HDGFL2: variants seen among roughly 807,000 people sequenced by gnomAD.
HDGFL2 encodes the protein hepatoma-derived growth factor-related protein 2.
In HDGFL2, 36 loss-of-function variants were observed where a neutral mutation model predicts 77.1. That is an observed-to-expected ratio of 0.47 (90% confidence interval 0.36 to 0.62). The LOEUF (loss-of-function observed/expected upper bound fraction) is 0.62, where lower values mean the gene tolerates loss of function less well. Among genes scored for constraint, HDGFL2 ranks in the 20% least tolerant of loss-of-function variants. The pLI is 0.00. For missense variants in HDGFL2, 976 were observed against 973.4 expected, an observed-to-expected ratio of 1.00 and a Z score of -0.04; for synonymous variants, 463 against 413.1, an observed-to-expected ratio of 1.12 and a Z score of -1.46.
intron 1 of HDGFL2, among the ~76,000 whole-genome samples, chr19:4,473,711 G>C (rs1975002134): frequency 6.6e-6 from 1 of 151,214 alleles, no homozygotes; most frequent in Admixed American, 6.6e-5. Context: ...AATGGGGCTC[G>C]GGGCTCTGTT....
chr19:4,494,814 G>A (rs886267063), intron 9 of HDGFL2, among the ~76,000 whole-genome samples: 1 of 152,178 alleles, frequency 6.6e-6, no homozygotes, highest in African/African-American at 2.4e-5. Context: ...CGGCTGCTCA[G>A]GAGGCTGAGG....
chr19:4,473,356 G>A (rs1974993471), intron 1 of HDGFL2, among the ~76,000 whole-genome samples: 2 of 151,356 alleles, frequency 1.3e-5, no homozygotes, highest in African/African-American at 2.4e-5. Context: ...CCCAGAGGGA[G>A]CCACGCCTCG....
rs564837186 is a variant in HDGFL2, at chr19:4,473,177, G to A, written c.72+755G>A. On this transcript the variant is annotated intron_variant, in intron 1 of 15. Coordinates refer to ENST00000616600, the MANE Select transcript of HDGFL2 (RefSeq NM_001001520.3). ...AAATTCTCACTCTGGGGGAATGGCG[G>A]TCCTGGACCTGAGGGAGCTGCGCCG... Among the ~76,000 whole-genome samples the A allele has an allele frequency of 4.3e-3, 642 of 148,854 alleles. 1 individual carries two copies. Among genetic ancestry groups the A allele is most frequent in the Middle Eastern group, 6.9e-3 (2 of 288 alleles).
chr19:4,501,309 C>A lies in HDGFL2; in HGVS notation c.1908C>A (p.Asp636Glu). 1.2e-6 allele frequency: 2 copies of A among 1,600,658 alleles called. No homozygotes were observed. The highest frequency in any genetic ancestry group is 2.2e-5 in the South Asian group (2 of 89,322). The stretch of plus-strand genomic sequence containing the variant: ...GGCCAAGGTGTGGCTCCTCTGAAGA[C>A]CTGCACGAGTGAGTGTCCCGGGCCG... ...EEGPRCGSSE[D>E]LHDSVREGPD... is the part of the protein sequence containing the mutation. Residue 636 changes from aspartate to glutamate, a missense_variant, in exon 15 of 16, where the codon GAC (aspartate) becomes GAA (glutamate). Asp to Glu is a conservative substitution (Grantham distance 45, BLOSUM62 2). Transcript: ENST00000616600.
chr19:4,501,108 CT>C, intron 14 of HDGFL2, 82 bp from the exon 15 acceptor site: 1 of 1,573,348 alleles, frequency 6.4e-7, no homozygotes, highest in Non-Finnish European at 8.7e-7. Flanking sequence ...AGCTTGGCCC[CT>C]GGTCCAGTCC....
At chr19:4,487,845 C>A (rs1481356581) in intron 3 of HDGFL2, among the ~76,000 whole-genome samples, 1 of 151,512 alleles carries the variant, frequency 6.6e-6, no homozygotes, top group Admixed American at 6.6e-5. Flanking sequence ...ACTGCCTGAG[C>A]GGGCATTTTG....
At chr19:4,474,991 C>T (rs1050124983) in intron 1 of HDGFL2, 1 of 413,034 alleles carries the variant, frequency 2.4e-6, no homozygotes, top group East Asian at 4.9e-5. Flanking sequence ...TTGGCCCCAC[C>T]CCCTGGTTGC....
intron 1 of HDGFL2, among the ~76,000 whole-genome samples, chr19:4,474,579 C>A (rs978066213): frequency 1.3e-5 from 2 of 152,110 alleles, no homozygotes; most frequent in Non-Finnish European, 2.9e-5. Context: ...CCACTCCAGC[C>A]TGCTGTGCTC....
At chr19:4,499,357 A>AG (rs969040014) in intron 13 of HDGFL2, 134 bp from the exon 14 acceptor site, 4 of 743,934 alleles carry the variant, frequency 5.4e-6, no homozygotes, top group Admixed American at 5.9e-5. Flanking sequence ...AAAAAAAAAA[A>AG]AGAAATGCCT....
intron 3 of HDGFL2, among the ~76,000 whole-genome samples, chr19:4,483,014 T>C (rs926811787): frequency 6.6e-6 from 1 of 152,118 alleles, no homozygotes; most frequent in African/African-American, 2.4e-5. Context: ...CCAGGGATGC[T>C]CCAAAGAGAA....
chr19:4,474,929 C>T (rs1975033372), intron 1 of HDGFL2: 1 of 177,556 alleles, frequency 5.6e-6, no homozygotes, highest in Admixed American at 6.1e-5. Context: ...GTGAGCCCCT[C>T]TTTGCGGGAG....
chr19:4,489,204 C>T (rs1472848631), intron 4 of HDGFL2, among the ~76,000 whole-genome samples: 5 of 151,292 alleles, frequency 3.3e-5, no homozygotes, highest in South Asian at 2.1e-4. Flanking sequence ...CTGCCTGCCT[C>T]GGTCTCTCAA....
chr19:4,498,383 C>G lies in HDGFL2; in HGVS notation c.1473+7C>G, dbSNP rs373253579. 1 of 1,609,968 alleles carries G rather than the reference C, an allele frequency of 6.2e-7. No homozygotes were observed. Among genetic ancestry groups the G allele is most frequent in the African/African-American group, 1.3e-5 (1 of 74,858 alleles). ...CCTAAAGGTCGACAGCCCGGTAAGA[C>G]CCTCAGGGCCTGTGAGCCAAGCAGT... On this transcript the variant is annotated splice_region_variant and intron_variant, in intron 12 of 15. Coordinates refer to ENST00000616600, the MANE Select transcript of HDGFL2 (RefSeq NM_001001520.3).
At chr19:4,473,126 G>A (rs1045684955) in intron 1 of HDGFL2, among the ~76,000 whole-genome samples, 2 of 148,894 alleles carry the variant, frequency 1.3e-5, no homozygotes, top group African/African-American at 2.5e-5. Flanking sequence ...CCGAGGAAGC[G>A]GTGCCCTGGG....
intron 3 of HDGFL2, among the ~76,000 whole-genome samples, chr19:4,483,946 C>A (rs578004416): frequency 6.7e-6 from 1 of 150,200 alleles, no homozygotes; most frequent in Admixed American, 6.6e-5. Context: ...CCTGCCACCA[C>A]GCCCAGCTAA....
chr19:4,487,550 C>T (rs1196800775), intron 3 of HDGFL2, among the ~76,000 whole-genome samples: 1 of 152,190 alleles, frequency 6.6e-6, no homozygotes, highest in Non-Finnish European at 1.5e-5. Context: ...AGCCACCAGC[C>T]CTACTCCCCT....
intron 4 of HDGFL2, among the ~76,000 whole-genome samples, chr19:4,490,228 C>G (rs973352903): frequency 1.3e-5 from 2 of 152,180 alleles, no homozygotes; most frequent in Non-Finnish European, 2.9e-5. Flanking sequence ...ACTGGGATTA[C>G]AGGGGCCCGC....
Position 4,491,798 on chromosome 19 carries a change from C to A in HDGFL2, c.641C>A (p.Ala214Glu). Residue 214 changes from alanine (A) to glutamate (E), a missense_variant, in exon 6 of 16, where the codon GCG becomes GAG. By Grantham distance (107) the Ala-to-Glu change is moderately radical. This residue lies in a region of HDGFL2 where 567 missense variants were observed against 534.7 expected (regional missense o/e 1.06). Transcript: ENST00000616600. ...CCTGAGAAGAAAGCAGCGGTCCGGG[C>A]GCCACGGAGGGGCCCTCTGGGGGGA... Reference protein sequence around the residue: ...FTPEKKAAVRAPRRGPLGGRK... With the variant: ...FTPEKKAAVREPRRGPLGGRK... 6.2e-7 allele frequency: 1 copy of A among 1,613,976 alleles called. No individual in the cohort carries two copies. Among genetic ancestry groups the A allele is most frequent in the Non-Finnish European group, 8.5e-7 (1 of 1,180,004 alleles).
chr19:4,501,429 T>A, intron 15 of HDGFL2, 112 bp downstream of exon 15: 1 of 1,305,064 alleles, frequency 7.7e-7, no homozygotes, highest in Non-Finnish European at 1.0e-6. Context: ...GTCCCAGGGA[T>A]GTCGTCCTTA....
Sources: allele counts gnomAD v4.1 joint callset (sites outside exome capture counted in the v4.1 genomes callset), GRCh38; gene constraint gnomAD v4.1.1; regional missense constraint gnomAD v4.1.1; transcripts MANE v1.5; gene names NCBI Gene and HGNC (gene_info 2026-07-23, HGNC 2026-07-21).